SRSF11: variants seen among roughly 807,000 people sequenced by gnomAD.
The protein encoded by SRSF11 is serine and arginine rich splicing factor 11.
A neutral mutation model predicts 56.0 loss-of-function variants in SRSF11; 9 were observed. That is an observed-to-expected ratio of 0.16 (90% confidence interval 0.10 to 0.28). The LOEUF (loss-of-function observed/expected upper bound fraction) is 0.28, where lower values mean the gene tolerates loss of function less well. SRSF11 is among the 10% of genes least tolerant of loss of function. The pLI is 1.00. For missense variants in SRSF11, 421 were observed against 600.7 expected, an observed-to-expected ratio of 0.70 and a Z score of 3.13; for synonymous variants, 222 against 215.3, an observed-to-expected ratio of 1.03 and a Z score of -0.27.
intron 1 of SRSF11, among the ~76,000 whole-genome samples, chr1:70,208,497 CTAATTTTTT>C: frequency 6.6e-6 from 1 of 152,150 alleles, no homozygotes; most frequent in African/African-American, 2.4e-5. Flanking sequence ...CCACACCCAG[CTAATTTTTT>C]TGTATTTTTT....
chr1:70,237,300 A>C lies in SRSF11; in HGVS notation c.591-125A>C. 2.6e-6 allele frequency: 3 copies of C among 1,165,664 alleles called. No homozygotes were observed. The South Asian group carries it at 4.3e-5, about 17-fold the overall frequency. 72.2% of individuals were successfully genotyped at this position (1,165,664 alleles called of 1,614,324 possible). A position where few individuals can be genotyped will look rare whatever the true frequency, so the allele number is the denominator to read the frequency against. On this transcript the variant is annotated intron_variant, in intron 5 of 11. Coordinates refer to ENST00000370949, the MANE Select transcript of SRSF11 (RefSeq NM_001350605.2). ...ATGTTGTTTACCAAAGTTATCATGG[A>C]GTCCTCCCCTCCCTTTTTTTGAAGG...
At chr1:70,239,749 A>G (rs1389741541) in intron 7 of SRSF11, among the ~76,000 whole-genome samples, 1 of 152,214 alleles carries the variant, frequency 6.6e-6, no homozygotes, top group Non-Finnish European at 1.5e-5. Flanking sequence ...GTAGGAAAGC[A>G]TTGGAACTAG....
intron 7 of SRSF11, among the ~76,000 whole-genome samples, chr1:70,244,205 G>A (rs953502898): frequency 6.6e-6 from 1 of 152,172 alleles, no homozygotes; most frequent in African/African-American, 2.4e-5. Context: ...AGAAATAATA[G>A]TGGCATTTAC....
At chr1:70,222,613 G>A (rs562547946) in intron 1 of SRSF11, among the ~76,000 whole-genome samples, 2 of 152,178 alleles carry the variant, frequency 1.3e-5, no homozygotes, top group Non-Finnish European at 2.9e-5. Flanking sequence ...TAAGAAGTAA[G>A]ATAAAGTGTA....
Position 70,251,429 on chromosome 1 carries a change from G to A in SRSF11, c.*624G>A, listed in dbSNP as rs1226459204. On this transcript the variant is annotated 3_prime_UTR_variant, in exon 12 of 12. Coordinates refer to ENST00000370949, the MANE Select transcript of SRSF11 (RefSeq NM_001350605.2). ...CTAACCTTTTTTGGTGGCTAATTAG[G>A]GTTTAAATACAGAAACAAGATTTCA... 1 of 152,442 alleles carries A rather than the reference G, an allele frequency of 6.6e-6. No individual in the cohort carries two copies. Among genetic ancestry groups the A allele is most frequent in the Non-Finnish European group, 1.5e-5 (1 of 67,980 alleles). The allele number at this position is 152,442 out of a possible 1,614,324, so 9.4% of individuals were successfully genotyped here.
chr1:70,247,392 CA>C (rs1387417991), intron 9 of SRSF11, among the ~76,000 whole-genome samples: 1 of 152,006 alleles, frequency 6.6e-6, no homozygotes, highest in Non-Finnish European at 1.5e-5. Flanking sequence ...CCTTACTGCA[CA>C]AAAAGCACAT....
At chr1:70,215,008 C>T (rs1386927387) in intron 1 of SRSF11, among the ~76,000 whole-genome samples, 1 of 150,652 alleles carries the variant, frequency 6.6e-6, no homozygotes, top group East Asian at 2.0e-4. Flanking sequence ...AAGTGATTCT[C>T]CTGCCTCAGC....
At chr1:70,223,175 A>G (rs1039124758) in intron 1 of SRSF11, among the ~76,000 whole-genome samples, 9 of 152,210 alleles carry the variant, frequency 5.9e-5, no homozygotes, top group Non-Finnish European at 2.9e-5. Context: ...TGAACAGTAA[A>G]ATAGCAGAAA....
In SRSF11 at chr1:70,239,426, C is replaced by T. The variant is rs367939807; in HGVS notation, c.719-13C>T. The stretch of plus-strand genomic sequence containing the variant: ...TAACTTCTAAATGCAGGTTCCTTTT[C>T]TTTTAAATATAGATAAGAAAGAAGA... On this transcript the variant is annotated splice_polypyrimidine_tract_variant and intron_variant, in intron 6 of 11. Transcript: ENST00000370949. 3 of 1,584,004 alleles carry T rather than the reference C, an allele frequency of 1.9e-6. No homozygotes were observed. Among genetic ancestry groups the T allele is most frequent in the Admixed American group, 1.9e-5 (1 of 53,812 alleles).
At chr1:70,210,888 C>A (rs576491843) in intron 1 of SRSF11, among the ~76,000 whole-genome samples, 17 of 151,750 alleles carry the variant, frequency 1.1e-4, no homozygotes, top group African/African-American at 3.9e-4. Flanking sequence ...ATCAAAAATG[C>A]TTTTAATTTG....
chr1:70,215,922 G>A (rs1218272528), intron 1 of SRSF11, among the ~76,000 whole-genome samples: 2 of 152,186 alleles, frequency 1.3e-5, no homozygotes, highest in Non-Finnish European at 2.9e-5. Flanking sequence ...AAGTAGCTGG[G>A]ATTACAGGCA....
Position 70,215,511 on chromosome 1 carries a change from T to C in SRSF11, c.-25-6101T>C, listed in dbSNP as rs138711064. Among the ~76,000 whole-genome samples, 865 of 152,334 alleles carry C rather than the reference T, an allele frequency of 5.7e-3. 8 individuals carry two copies. The highest frequency in any genetic ancestry group is 0.024 in the Middle Eastern group (7 of 294). ...GTCTAATGCTGGACTTGTTCCAGTA[T>C]GATATTGTTAGGTATCAGAAACCCA... On this transcript the variant is annotated intron_variant, in intron 1 of 12. Coordinates refer to the SRSF11 transcript ENST00000370950.
chr1:70,221,375 C>A (rs192317453), upstream of SRSF11: 82 of 484,486 alleles, frequency 1.7e-4, 2 homozygotes, highest in South Asian at 8.5e-4. Context: ...GAGCTCGGGC[C>A]CGCTAGTGTC....
At chr1:70,246,999 C>A in intron 9 of SRSF11, 92 bp downstream of exon 9, 1 of 1,204,108 alleles carries the variant, frequency 8.3e-7, no homozygotes, top group Non-Finnish European at 1.1e-6. Context: ...TTTTCCAGAA[C>A]ATAAGTATTT....
chr1:70,249,170 G>C (rs1677424846), intron 9 of SRSF11: 1 of 152,108 alleles, frequency 6.6e-6, no homozygotes, highest in Non-Finnish European at 1.5e-5. Context: ...GGGCGATTTT[G>C]CTAGAGTATA....
At chr1:70,212,651 G>A (rs982769887) in intron 1 of SRSF11, among the ~76,000 whole-genome samples, 3 of 152,142 alleles carry the variant, frequency 2.0e-5, no homozygotes, top group Non-Finnish European at 2.9e-5. Context: ...AGGAGAAGGG[G>A]CATCTAATAA....
intron 1 of SRSF11, among the ~76,000 whole-genome samples, chr1:70,224,564 TTC>T (rs1168162041): frequency 6.6e-6 from 1 of 152,180 alleles, no homozygotes; most frequent in African/African-American, 2.4e-5. Flanking sequence ...TTCATTTCGG[TTC>T]TGAATGCCTA....
At chr1:70,237,276 T>C (rs1356682180) in intron 5 of SRSF11, 149 bp from the exon 6 acceptor site, 6 of 887,300 alleles carry the variant, frequency 6.8e-6, no homozygotes, top group Non-Finnish European at 1.0e-5. Context: ...CTATGCTATA[T>C]GTTGTTTACC....
intron 5 of SRSF11, 62 bp downstream of exon 5, chr1:70,235,612 T>G: frequency 6.7e-7 from 1 of 1,487,384 alleles, no homozygotes; most frequent in Admixed American, 2.1e-5. Flanking sequence ...AGAATTAGAG[T>G]TTTTTTGATA....
Sources: gnomAD v4.1 joint callset for allele counts (sites outside exome capture counted in the v4.1 genomes callset) on GRCh38, gnomAD v4.1.1 for gene constraint, MANE v1.5 for transcripts, NCBI Gene and HGNC (gene_info 2026-07-23, HGNC 2026-07-21) for gene names.